The following GPR84 variants were observed in gnomAD, a reference collection of about 807,000 sequenced individuals.
GPR84 encodes the protein G protein-coupled receptor 84.
Under a neutral mutation model 14.9 loss-of-function variants are expected in GPR84, and 8 were observed. The observed-to-expected ratio is 0.54, with a 90% CI of 0.31 to 0.97. The LOEUF is 0.97. GPR84 is among the 50% of genes least tolerant of loss of function. The pLI, the probability that GPR84 is intolerant of heterozygous loss-of-function variation, is 0.04. For missense variants in GPR84, 424 were observed against 498.7 expected (o/e 0.85, Z 1.43); for synonymous variants, 164 against 198.1 (o/e 0.83, Z 1.45).
At position 54,363,447 on chromosome 12, in the gene GPR84, C is replaced by G. The variant is rs748178263; in HGVS notation, c.405G>C (p.Lys135Asn). 6.2e-7 allele frequency: 1 copy of G among 1,614,130 alleles called. No individual in the cohort carries two copies. Among genetic ancestry groups the G allele is most frequent in the Admixed American group, 1.7e-5 (1 of 60,032 alleles). The change falls in exon 2 of 2, where the codon AAG becomes AAC. Residue 135 changes from lysine to asparagine, a missense_variant. Coordinates refer to ENST00000267015, the MANE Select transcript of GPR84 (RefSeq NM_020370.3). ...TGCTCACCAGTGCCAGCACTATCCC[C>G]TTGGCACTGAAAACTTGGGGAAAAA... ...PKLFPQVFSA[K>N]GIVLALVSTW...
At position 54,362,558 on chromosome 12, in the gene GPR84, T is replaced by C; in HGVS notation, c.*103A>G. On this transcript the variant is annotated 3_prime_UTR_variant, in exon 2 of 2. Coordinates refer to ENST00000267015, the MANE Select transcript of GPR84 (RefSeq NM_020370.3). The surrounding 1 kb of genome is among the most constrained non-coding windows in gnomAD (Gnocchi z 4.0). ...GATTTGGGAGGCTGGGGAGAGATTGTTGTGAAAATGCCCACATGTGTTATT... is the reference window on the plus strand; with the variant it reads ...GATTTGGGAGGCTGGGGAGAGATTGCTGTGAAAATGCCCACATGTGTTATT... 1.4e-6 allele frequency: 1 copy of C among 733,096 alleles called. No individual in the cohort carries two copies. The highest frequency in any genetic ancestry group is 2.4e-6 in the Non-Finnish European group (1 of 422,272). 45.4% of individuals were successfully genotyped at this position (733,096 alleles called of 1,614,324 possible).
the GPR84 span, among the ~76,000 whole-genome samples, chr12:54,354,773 T>C: frequency 5.3e-5 from 8 of 152,116 alleles, no homozygotes; most frequent in South Asian, 2.1e-4. Context: ...ATCTCTTCCC[T>C]CTCATTTCAC....
At chr12:54,358,310 A>T (rs1280787398), downstream of GPR84, among the ~76,000 whole-genome samples, 1 of 152,154 alleles carries the variant, frequency 6.6e-6, no homozygotes, top group Admixed American at 6.5e-5. Flanking sequence ...GTCCCCTTGC[A>T]GACGCCAATG....
At chr12:54,352,947 C>T in the GPR84 span, among the ~76,000 whole-genome samples, 1 of 152,196 alleles carries the variant, frequency 6.6e-6, no homozygotes, top group African/African-American at 2.4e-5. Flanking sequence ...GCCTTAACAT[C>T]CTAATCTTCC....
downstream of GPR84, among the ~76,000 whole-genome samples, chr12:54,358,750 C>T (rs998925517): frequency 2.0e-5 from 3 of 152,068 alleles, no homozygotes; most frequent in Non-Finnish European, 4.4e-5. Flanking sequence ...GGATCTTGGA[C>T]AAATTACCCA....
At position 54,362,993 on chromosome 12, in the gene GPR84, C is replaced by T. The variant is rs752302908; in HGVS notation, c.859G>A (p.Ala287Thr). 11 of 1,614,214 alleles carry T rather than the reference C, an allele frequency of 6.8e-6. No individual in the cohort carries two copies. In the South Asian group the frequency reaches 1.2e-4, roughly 18 times the overall value. Residue 287 changes from alanine to threonine, a missense_variant, in exon 2 of 2, where the codon GCA becomes ACA. Transcript: ENST00000267015. The surrounding 1 kb of genome is among the most constrained non-coding windows in gnomAD (Gnocchi z 4.0). Reference protein sequence around the residue: ...QINSKRAKQMAEKSPPEASAK... With the variant: ...QINSKRAKQMTEKSPPEASAK... ...GATGCTTCTGGAGGGCTTTTCTCTG[C>T]CATCTGCTTAGCTCTCTTGCTGTTG...
chr12:54,352,211 C>T, the GPR84 span, among the ~76,000 whole-genome samples: 1 of 152,214 alleles, frequency 6.6e-6, no homozygotes, highest in African/African-American at 2.4e-5. Context: ...CTTCCTGCAC[C>T]TCCCACTCCT....
At chr12:54,352,372 A>G in the GPR84 span, among the ~76,000 whole-genome samples, 1 of 152,100 alleles carries the variant, frequency 6.6e-6, no homozygotes, top group Non-Finnish European at 1.5e-5. Context: ...GCACAAATGA[A>G]TGTGGCTGGG....
At chr12:54,359,857 CG>C (rs1954251410), downstream of GPR84, among the ~76,000 whole-genome samples, 1 of 151,766 alleles carries the variant, frequency 6.6e-6, no homozygotes, top group African/African-American at 2.4e-5. Context: ...TGGGCCGTGG[CG>C]GGTGGCTGCT....
At chr12:54,355,606 A>C in the GPR84 span, among the ~76,000 whole-genome samples, 3 of 144,414 alleles carry the variant, frequency 2.1e-5, no homozygotes, top group East Asian at 2.0e-4. Context: ...CTCACTGCCC[A>C]CCCCCCATGC....
Position 54,363,816 on chromosome 12 carries a change from GT to G in GPR84, c.35del (p.Tyr12SerfsTer21). 1 of 1,605,288 alleles carries G rather than the reference GT, an allele frequency of 6.2e-7. No individual in the cohort carries two copies. The highest frequency in any genetic ancestry group is 1.1e-5 in the South Asian group (1 of 90,446). Reference protein sequence around the residue: ...WNSSDANFSCYHESVLGYRYV... With the variant: ...WNSSDANFSCXHESVLGYRYV... ...AACGATAGCCCAGCACAGACTCATG[GT>G]AGCAGGAGAAGTTGGCGTCAGAGCT... On this transcript the variant is annotated frameshift_variant, in exon 2 of 2. Coordinates refer to ENST00000267015, the MANE Select transcript of GPR84 (RefSeq NM_020370.3). LOFTEE classifies it high-confidence loss of function.
At chr12:54,361,949 A>G (rs1294639423), downstream of GPR84, among the ~76,000 whole-genome samples, 1 of 152,234 alleles carries the variant, frequency 6.6e-6, no homozygotes, top group Non-Finnish European at 1.5e-5. The surrounding 1 kb of genome is among the most constrained non-coding windows in gnomAD (Gnocchi z 4.3). Context: ...GCTCAGTTCC[A>G]TTTCTACAGA....
At chr12:54,356,160 CAAGAACAGGCCCTGG>C in the GPR84 span, among the ~76,000 whole-genome samples, 5 of 152,196 alleles carry the variant, frequency 3.3e-5, no homozygotes, top group Admixed American at 2.0e-4. Flanking sequence ...AGGGACTTCT[CAAGAACAGGCCCTGG>C]TTGCCAGTAG....
downstream of GPR84, among the ~76,000 whole-genome samples, chr12:54,361,733 C>T (rs1400189638): frequency 6.6e-6 from 1 of 152,164 alleles, no homozygotes; most frequent in African/African-American, 2.4e-5. This position sits in a 1 kb window ranked among gnomAD's most constrained non-coding sequence, Gnocchi z 4.3. Context: ...GTCTTGAACT[C>T]CTGACCTTAG....
the GPR84 span, chr12:54,353,847 C>T: frequency 6.6e-6 from 1 of 152,370 alleles, no homozygotes; most frequent in Middle Eastern, 3.4e-3. Context: ...AAGGAACCAA[C>T]ACTCCAAGAC....
At chr12:54,358,105 A>G (rs1259631848), downstream of GPR84, among the ~76,000 whole-genome samples, 1 of 152,138 alleles carries the variant, frequency 6.6e-6, no homozygotes, top group Non-Finnish European at 1.5e-5. Flanking sequence ...TGCACCCCCC[A>G]GTGGACCCTT....
Position 54,363,652 on chromosome 12 carries a change from A to G in GPR84, c.200T>C (p.Leu67Pro), listed in dbSNP as rs777476272. ...LLIANLTLADLLYCTLLQPFS... is the reference protein window; with the variant it reads ...LLIANLTLADPLYCTLLQPFS... The stretch of plus-strand genomic sequence containing the variant: ...GGGCTGAAGGAGCGTGCAGTAGAGG[A>G]GATCAGCCAGTGTGAGGTTGGCTAT... The change falls in exon 2 of 2, where the codon CTC becomes CCC. Residue 67 changes from leucine to proline, a missense_variant. Physicochemically the swap from Leu to Pro is moderately conservative, Grantham distance 98 (BLOSUM62 -3). Transcript: ENST00000267015. The G allele has an allele frequency of 6.2e-7, 1 of 1,613,944 alleles. No individual in the cohort carries two copies.
the GPR84 span, among the ~76,000 whole-genome samples, chr12:54,352,311 T>C: frequency 1.3e-5 from 2 of 152,154 alleles, no homozygotes; most frequent in Admixed American, 6.5e-5. Context: ...CTTCTCGCCA[T>C]TTCCCCGTCC....
Position 54,363,468 on chromosome 12 carries a change from A to G in GPR84, c.384T>C (p.Phe128=), listed in dbSNP as rs1408473418. ...TCCCCTTGGCACTGAAAACTTGGGG[A>G]AAAAGCTTAGGGTGGGCAATGAGGA... ...RYLLIAHPKL[F]PQVFSAKGIV... Residue 128 remains phenylalanine (F), a synonymous_variant, in exon 2 of 2, where the codon TTT becomes TTC. Transcript: ENST00000267015. 2 of 1,614,100 alleles carry G rather than the reference A, an allele frequency of 1.2e-6. No individual in the cohort carries two copies. Among genetic ancestry groups the G allele is most frequent in the South Asian group, 1.1e-5 (1 of 91,072 alleles).
Sources: allele counts gnomAD v4.1 joint callset (sites outside exome capture counted in the v4.1 genomes callset), GRCh38; gene constraint gnomAD v4.1.1; non-coding constraint Gnocchi (gnomAD v3.1); transcripts MANE v1.5; gene names NCBI Gene and HGNC (gene_info 2026-07-23, HGNC 2026-07-21).